Variants in MRC2 observed in about 807,000 individuals in gnomAD.
MRC2 encodes mannose receptor C-type 2, also known as C-type mannose receptor 2.
In MRC2, 84 loss-of-function variants were observed where a neutral mutation model predicts 206.2. The observed-to-expected ratio is 0.41, with a 90% CI of 0.34 to 0.49. The LOEUF (loss-of-function observed/expected upper bound fraction) is 0.49. Among genes scored for constraint, MRC2 ranks in the 20% least tolerant of loss-of-function variants. The probability of loss-of-function intolerance (pLI) is 0.31; values close to 1 mark genes in which losing one functional copy is unlikely to be tolerated. For synonymous variants in MRC2, 798 were observed against 800.0 expected (o/e 1.00, Z 0.04); for missense variants, 1,676 against 2,001.5 (o/e 0.84, Z 3.10).
At chr17:62,677,868 G>A (rs562136014) in intron 12 of MRC2, among the ~76,000 whole-genome samples, 33 of 152,216 alleles carry the variant, frequency 2.2e-4, no homozygotes, top group African/African-American at 7.9e-4. Context: ...TGGCTAACAT[G>A]GTGAAACCCC....
intron 1 of MRC2, among the ~76,000 whole-genome samples, chr17:62,651,296 A>G (rs1185391030): frequency 1.3e-5 from 2 of 151,864 alleles, no homozygotes; most frequent in African/African-American, 4.8e-5. Context: ...GTTGGCCAGA[A>G]TGGTCTCTAT....
chr17:62,663,965 T>G (rs952648145), intron 1 of MRC2, among the ~76,000 whole-genome samples: 2 of 148,632 alleles, frequency 1.3e-5, no homozygotes, highest in Non-Finnish European at 3.0e-5. Flanking sequence ...TTGCTTTTTT[T>G]TTTTTTTTTT....
rs1020033974 is a variant in MRC2, at chr17:62,672,585, C to G, written c.1461+433C>G. On this transcript the variant is annotated intron_variant, in intron 8 of 29. Transcript: ENST00000303375. This position sits in a 1 kb window ranked among gnomAD's most constrained non-coding sequence, Gnocchi z 4.5. Reference sequence around the variant, plus strand: ...TGCTCTACCCAGTCCAGGGTCCTGTCATCTCAAGAGATTGTTGGGTTTTAT... The same window carrying G: ...TGCTCTACCCAGTCCAGGGTCCTGTGATCTCAAGAGATTGTTGGGTTTTAT... Among the ~76,000 whole-genome samples, 1 of 152,176 alleles carries G rather than the reference C, an allele frequency of 6.6e-6. No individual in the cohort carries two copies. Among genetic ancestry groups the G allele is most frequent in the African/African-American group, 2.4e-5 (1 of 41,450 alleles).
At chr17:62,630,869 G>A (rs1354146649) in intron 1 of MRC2, among the ~76,000 whole-genome samples, 2 of 152,068 alleles carry the variant, frequency 1.3e-5, no homozygotes, top group Non-Finnish European at 2.9e-5. Flanking sequence ...CGTGGGGTTC[G>A]GAAACTTCTT....
rs534232691 is a variant in MRC2 at position 62,690,238 on chromosome 17, G to C, written c.3825G>C (p.Glu1275Asp). Residue 1275 changes from glutamate to aspartate, a missense_variant, in exon 26 of 30, where the codon GAG (glutamate) becomes GAC (aspartate). Transcript: ENST00000303375. ...ACTCCGCGTGGATTCCCTTCCGGGA[G>C]CACTGCTATTCTTTCCACATGGAGC... is the stretch of plus-strand genomic sequence containing the variant. Reference protein sequence around the residue: ...LADSAWIPFREHCYSFHMELL... With the variant: ...LADSAWIPFRDHCYSFHMELL... The C allele has an allele frequency of 1.9e-6, 3 of 1,613,456 alleles. No individual in the cohort carries two copies. The African/African-American group carries it at 4.0e-5, about 21-fold the overall frequency.
rs201376256 is a variant in MRC2, at chr17:62,677,405, G to A, written c.1971G>A (p.Pro657=). Residue 657 remains proline, a synonymous_variant, in exon 12 of 30, where the codon CCG becomes CCA. Transcript: ENST00000303375. ...GCACTCCAGTGACGCCGGAGCTGCC[G>A]GGGCCAGATCCCACGCCCAGCCTCA... The part of the protein sequence containing the change: ...SLGTPVTPEL[P]GPDPTPSLTG... The A allele has an allele frequency of 5.2e-5, 83 of 1,611,550 alleles. No homozygotes were observed. Among genetic ancestry groups the A allele is most frequent in the Middle Eastern group, 3.3e-4 (2 of 6,026 alleles).
chr17:62,642,214 T>C (rs1202145840), intron 1 of MRC2, among the ~76,000 whole-genome samples: 1 of 152,184 alleles, frequency 6.6e-6, no homozygotes. Context: ...TTGTTGTCTT[T>C]TATCGGCATT....
chr17:62,662,717 C>A (rs1046078608), intron 1 of MRC2, among the ~76,000 whole-genome samples: 1 of 152,100 alleles, frequency 6.6e-6, no homozygotes, highest in Non-Finnish European at 1.5e-5. Flanking sequence ...TGAGACCACC[C>A]TGACCAACAT....
At position 62,671,875 on chromosome 17, in the gene MRC2, AG is replaced by A; in HGVS notation, c.1306+41del. The stretch of plus-strand genomic sequence containing the variant: ...CCGCCCACGTGTCTGGGTGGAGGGC[AG>A]GGCCTCCCACTGCCCCACCCATCCT... On this transcript the variant is annotated intron_variant, in intron 7 of 29. Coordinates refer to ENST00000303375, the MANE Select transcript of MRC2 (RefSeq NM_006039.5). The surrounding 1 kb of genome is among the most constrained non-coding windows in gnomAD (Gnocchi z 4.5). 6.3e-7 allele frequency: 1 copy of A among 1,586,284 alleles called. No homozygotes were observed. Among genetic ancestry groups the A allele is most frequent in the Non-Finnish European group, 8.6e-7 (1 of 1,162,578 alleles).
At position 62,666,499 on chromosome 17, in the gene MRC2, A is replaced by G; in HGVS notation, c.739A>G (p.Ser247Gly). 1 of 1,614,020 alleles carries G rather than the reference A, an allele frequency of 6.2e-7. No homozygotes were observed. Among genetic ancestry groups the G allele is most frequent in the Non-Finnish European group, 8.5e-7 (1 of 1,179,998 alleles). ...CTGGGACAAGGACCAGCTGACTGAC[A>G]GCTGCTACCAGTTTAACTTCCAGTC... Reference protein sequence around the residue: ...TFWDKDQLTDSCYQFNFQSTL... With the variant: ...TFWDKDQLTDGCYQFNFQSTL... Residue 247 changes from serine to glycine, a missense_variant, in exon 4 of 30, where the codon AGC becomes GGC. Around this residue, in one of 3 missense-constraint regions of MRC2, gnomAD observed 318 missense variants for 346.7 expected, o/e 0.92. Transcript: ENST00000303375. The surrounding 1 kb of genome is among the most constrained non-coding windows in gnomAD (Gnocchi z 5.0).
At chr17:62,691,761 A>G (rs949992764) in intron 28 of MRC2, among the ~76,000 whole-genome samples, 24 of 118,692 alleles carry the variant, frequency 2.0e-4, no homozygotes, top group South Asian at 5.8e-4. Context: ...ACACAGCAAG[A>G]CCCTGTCTCC....
rs1240257502 is a variant in MRC2 at position 62,689,616 on chromosome 17, G to T, written c.3429G>T (p.Pro1143=). 2 of 1,602,994 alleles carry T rather than the reference G, an allele frequency of 1.2e-6. No individual in the cohort carries two copies. Among genetic ancestry groups the T allele is most frequent in the East Asian group, 2.2e-5 (1 of 44,650 alleles). ...LNGTFRLLQK[P]LRWHDALLLC... is the part of the protein sequence containing the mutation. ...GCACCTTCCGGCTGCTTCAGAAGCC[G>T]CTGCGCTGGCACGATGCCCTCCTGC... Residue 1143 remains proline (P), a synonymous_variant, in exon 24 of 30, where the codon CCG becomes CCT. Coordinates refer to ENST00000303375, the MANE Select transcript of MRC2 (RefSeq NM_006039.5).
chr17:62,645,517 ATATATATATATTTTTTT>A (rs1247142378), intron 1 of MRC2, among the ~76,000 whole-genome samples: 8 of 69,506 alleles, frequency 1.2e-4, no homozygotes, highest in African/African-American at 3.5e-4. Flanking sequence ...ATATATATAT[ATATATATATATTTTTTT>A]TTTTTTTTTT....
Position 62,675,896 on chromosome 17 carries a change from T to A in MRC2, c.1676T>A (p.Ile559Asn). 1 of 1,613,958 alleles carries A rather than the reference T, an allele frequency of 6.2e-7. No homozygotes were observed. The highest frequency in any genetic ancestry group is 8.5e-7 in the Non-Finnish European group (1 of 1,179,914). The change falls in exon 10 of 30, where the codon ATC (isoleucine) becomes AAC (asparagine). Residue 559 changes from isoleucine to asparagine, a missense_variant. By Grantham distance (149) the Ile-to-Asn change is moderately radical. This residue lies in a region of MRC2 where 1,354 missense variants were observed against 1,636.6 expected (regional missense o/e 0.83). Coordinates refer to ENST00000303375, the MANE Select transcript of MRC2 (RefSeq NM_006039.5). This position sits in a 1 kb window ranked among gnomAD's most constrained non-coding sequence, Gnocchi z 4.1. Reference protein sequence around the residue: ...CTDHGSQLVTITNRFEQAFVS... With the variant: ...CTDHGSQLVTNTNRFEQAFVS... Reference sequence around the variant, plus strand: ...GACCATGGCTCTCAGCTGGTCACCATCACCAACAGGTACAGCAGGGGCGGG... The same window carrying A: ...GACCATGGCTCTCAGCTGGTCACCAACACCAACAGGTACAGCAGGGGCGGG...
At chr17:62,659,072 C>T (rs2088650862) in intron 1 of MRC2, among the ~76,000 whole-genome samples, 1 of 152,162 alleles carries the variant, frequency 6.6e-6, no homozygotes, top group Non-Finnish European at 1.5e-5. Flanking sequence ...TGGTGAGGGC[C>T]ACTTCCTCGT....
chr17:62,662,698 T>C (rs376884754), intron 1 of MRC2, among the ~76,000 whole-genome samples: 52 of 151,912 alleles, frequency 3.4e-4, no homozygotes, highest in Middle Eastern at 3.4e-3. Context: ...TCACCCGAGG[T>C]TGGGAGTTTG....
intron 1 of MRC2, among the ~76,000 whole-genome samples, chr17:62,661,060 G>A (rs554708958): frequency 1.3e-5 from 2 of 152,184 alleles, no homozygotes; most frequent in Non-Finnish European, 2.9e-5. Context: ...TGTTTGAAAT[G>A]TGAAATGCCA....
chr17:62,632,820 A>G (rs2147424868), intron 1 of MRC2, among the ~76,000 whole-genome samples: 1 of 152,290 alleles, frequency 6.6e-6, no homozygotes, highest in East Asian at 1.9e-4. Context: ...TCAGGAGGGC[A>G]CATGTAGGGA....
At chr17:62,645,525 ATATTTTTTTTTTT>A (rs1405809650) in intron 1 of MRC2, among the ~76,000 whole-genome samples, 24 of 38,566 alleles carry the variant, frequency 6.2e-4, no homozygotes, top group African/African-American at 1.9e-3. Flanking sequence ...ATATATATAT[ATATTTTTTTTTTT>A]TTTTTTTTTT....
Sources: allele counts gnomAD v4.1 joint callset (sites outside exome capture counted in the v4.1 genomes callset), GRCh38; gene constraint gnomAD v4.1.1; regional missense constraint gnomAD v4.1.1; non-coding constraint Gnocchi (gnomAD v3.1); transcripts MANE v1.5; gene names NCBI Gene and HGNC (gene_info 2026-07-23, HGNC 2026-07-21).